CD47: variants seen among roughly 807,000 people sequenced by gnomAD.
CD47 encodes the protein CD47 molecule.
A neutral mutation model predicts 44.6 loss-of-function variants in CD47; 11 were observed. The ratio of observed to expected loss-of-function variants is 0.25; its 90% CI spans 0.16 to 0.41. CD47 has a LOEUF of 0.41. CD47 is among the 10% of genes least tolerant of loss of function. The pLI, the probability that CD47 is intolerant of heterozygous loss-of-function variation, is 1.00. For missense variants in CD47, 306 were observed against 386.7 expected (o/e 0.79, Z 1.75); for synonymous variants, 140 against 136.3 (o/e 1.03, Z -0.19).
At chr3:108,063,406 G>C (rs906176638) in intron 3 of CD47, among the ~76,000 whole-genome samples, 1 of 152,114 alleles carries the variant, frequency 6.6e-6, no homozygotes, top group Non-Finnish European at 1.5e-5. Context: ...AGTTTCTTTT[G>C]GCTCATTTTC....
At chr3:108,066,697 T>C (rs912184691) in intron 3 of CD47, among the ~76,000 whole-genome samples, 4 of 152,138 alleles carry the variant, frequency 2.6e-5, no homozygotes, top group African/African-American at 9.7e-5. Context: ...AAATAAAAAC[T>C]GACAAATGCT....
At chr3:108,052,434 C>A (rs1170657954) in intron 7 of CD47, 1 of 156,900 alleles carries the variant, frequency 6.4e-6, no homozygotes, top group African/African-American at 2.4e-5. Flanking sequence ...CTCCCTGGGT[C>A]TTTCCAGTTT....
At chr3:108,085,327 C>T (rs1420336870) in intron 1 of CD47, among the ~76,000 whole-genome samples, 2 of 152,126 alleles carry the variant, frequency 1.3e-5, no homozygotes, top group Non-Finnish European at 2.9e-5. Flanking sequence ...TCATGTACTT[C>T]TTAGCTGTAT....
In CD47 at chr3:108,080,226, G is replaced by A. The variant is rs776721931; in HGVS notation, c.165C>T (p.Tyr55=). ...NMEAQNTTEV[Y]VKWKFKGRDI... is the part of the protein sequence containing the mutation. ...CTCTTCCTTTAAATTTCCACTTTACGTATACTTCAGTAGTGTTTTGTGCCT... is the reference window on the plus strand; with the variant it reads ...CTCTTCCTTTAAATTTCCACTTTACATATACTTCAGTAGTGTTTTGTGCCT... Residue 55 remains tyrosine (Y), a synonymous_variant, in exon 2 of 11, where the codon TAC becomes TAT. Coordinates refer to ENST00000361309, the MANE Select transcript of CD47 (RefSeq NM_001777.4). 17 of 1,611,070 alleles carry A rather than the reference G, an allele frequency of 1.1e-5. No homozygotes were observed. The highest frequency in any genetic ancestry group is 1.7e-5 in the Admixed American group (1 of 59,894).
intron 8 of CD47, chr3:108,050,913 C>T: frequency 2.7e-6 from 1 of 369,282 alleles, no homozygotes; most frequent in Non-Finnish European, 5.3e-6. Flanking sequence ...GCATAAATAG[C>T]AACAACAGAA....
At position 108,043,830 on chromosome 3, in the gene CD47, G is replaced by C. The variant is rs55770907; in HGVS notation, c.*3458C>G. On this transcript the variant is annotated 3_prime_UTR_variant, in exon 11 of 11. Transcript: ENST00000361309. Reference sequence around the variant, plus strand: ...GCTGGTCTTCAATGATCTTAATTAAGAACTGTCAAAGCTAAAGGCAGAAAA... The same window carrying C: ...GCTGGTCTTCAATGATCTTAATTAACAACTGTCAAAGCTAAAGGCAGAAAA... The C allele has an allele frequency of 6.1e-3, 933 of 152,596 alleles. 5 individuals are homozygous for C. Among genetic ancestry groups the C allele is most frequent in the Non-Finnish European group, 8.3e-3 (564 of 68,004 alleles). The allele number at this position is 152,596 out of a possible 1,614,324, so 9.5% of individuals were successfully genotyped here. A position where few individuals can be genotyped will look rare whatever the true frequency, so the allele number is the denominator to read the frequency against.
intron 1 of CD47, among the ~76,000 whole-genome samples, chr3:108,088,521 T>C (rs1196441030): frequency 1.3e-5 from 2 of 152,100 alleles, no homozygotes; most frequent in African/African-American, 4.8e-5. Flanking sequence ...TAATTAAAAA[T>C]AATATATTCT....
In CD47 at chr3:108,064,105, A is replaced by G. The variant is rs1029710668; in HGVS notation, c.491-3253T>C. On this transcript the variant is annotated intron_variant, in intron 3 of 10. Transcript: ENST00000361309. The stretch of plus-strand genomic sequence containing the variant: ...CTACAATGTACCAGCCCCTTTTGCT[A>G]GTCTAAATCAAGGAACAAGTAGATT... Among the ~76,000 whole-genome samples the G allele has an allele frequency of 7.2e-5, 11 of 152,354 alleles. No homozygotes were observed. The South Asian group carries it at 1.7e-3, about 23-fold the overall frequency.
intron 3 of CD47, among the ~76,000 whole-genome samples, chr3:108,068,900 G>A (rs1344498561): frequency 6.6e-6 from 1 of 152,106 alleles, no homozygotes; most frequent in Non-Finnish European, 1.5e-5. Flanking sequence ...GTTTCAAGAT[G>A]AGCCAAAACA....
intron 2 of CD47, among the ~76,000 whole-genome samples, chr3:108,074,768 A>G (rs1338459752): frequency 2.0e-5 from 3 of 151,516 alleles, no homozygotes; most frequent in Non-Finnish European, 4.4e-5. Flanking sequence ...GTTTGAAATC[A>G]CTGCTGCACA....
intron 1 of CD47, among the ~76,000 whole-genome samples, chr3:108,081,411 A>G (rs1450490618): frequency 6.6e-6 from 1 of 152,028 alleles, no homozygotes; most frequent in East Asian, 1.9e-4. Context: ...ATAAAATATC[A>G]ACTTTGTTAA....
At chr3:108,090,505 C>A (rs1047984518) in intron 1 of CD47, among the ~76,000 whole-genome samples, 12 of 152,204 alleles carry the variant, frequency 7.9e-5, no homozygotes, top group African/African-American at 2.9e-4. Flanking sequence ...GGATCCCTAG[C>A]AGCTGCAGCC....
chr3:108,051,760 G>T (rs763864335), intron 8 of CD47, 179 bp downstream of exon 8: 1 of 688,640 alleles, frequency 1.5e-6, no homozygotes, highest in South Asian at 1.4e-5. Flanking sequence ...ACACTAAAAT[G>T]ACCAAACACA....
chr3:108,088,021 T>A (rs2079554401), intron 1 of CD47, among the ~76,000 whole-genome samples: 1 of 152,200 alleles, frequency 6.6e-6, no homozygotes, highest in African/African-American at 2.4e-5. Context: ...AAAGTGAAAG[T>A]AACTTTATGA....
Position 108,080,236 on chromosome 3 carries a change from G to C in CD47, c.155C>G (p.Thr52Ser), listed in dbSNP as rs1171696992. 1.9e-6 allele frequency: 3 copies of C among 1,611,266 alleles called. No individual in the cohort carries two copies. The highest frequency in any genetic ancestry group is 1.7e-6 in the Non-Finnish European group (2 of 1,177,678). ...AAATTTCCACTTTACGTATACTTCA[G>C]TAGTGTTTTGTGCCTCCATATTAGT... ...FVTNMEAQNT[T>S]EVYVKWKFKG... Residue 52 changes from threonine to serine, a missense_variant, in exon 2 of 11, where the codon ACT becomes AGT. Physicochemically the swap from Thr to Ser is moderately conservative, Grantham distance 58 (BLOSUM62 1). Around this residue, in one of 5 missense-constraint regions of CD47, gnomAD observed 25 missense variants for 52.7 expected, o/e 0.47. Coordinates refer to ENST00000361309, the MANE Select transcript of CD47 (RefSeq NM_001777.4).
At chr3:108,058,954 T>A (rs890465924) in intron 5 of CD47, among the ~76,000 whole-genome samples, 1 of 152,196 alleles carries the variant, frequency 6.6e-6, no homozygotes, top group Non-Finnish European at 1.5e-5. Flanking sequence ...ACTTTCAAAA[T>A]GCAGTGAAAA....
chr3:108,064,718 A>T (rs1269183317), intron 3 of CD47, among the ~76,000 whole-genome samples: 3 of 152,218 alleles, frequency 2.0e-5, no homozygotes, highest in Non-Finnish European at 2.9e-5. Flanking sequence ...GTAAGTAAGC[A>T]GAGAGACAGG....
intron 3 of CD47, among the ~76,000 whole-genome samples, chr3:108,068,292 G>A (rs2108248666): frequency 6.6e-6 from 1 of 152,256 alleles, no homozygotes; most frequent in South Asian, 2.1e-4. Context: ...ATGTGACAAG[G>A]CATGGGATGC....
In CD47 at chr3:108,081,287, T is replaced by C. The variant is rs370186400; in HGVS notation, c.47-943A>G. ...AAAATGTACAAGAATGTGTAGGAATTGTAGTTGTCTTCCATATTCTTCAGC... is the reference window on the plus strand; with the variant it reads ...AAAATGTACAAGAATGTGTAGGAATCGTAGTTGTCTTCCATATTCTTCAGC... On this transcript the variant is annotated intron_variant, in intron 1 of 10. Coordinates refer to ENST00000361309, the MANE Select transcript of CD47 (RefSeq NM_001777.4). 1.6e-4 allele frequency among the ~76,000 whole-genome samples: 25 copies of C among 152,136 alleles called. No homozygotes were observed. In the South Asian group the frequency reaches 5.2e-3, roughly 32 times the overall value.
Sources: allele counts gnomAD v4.1 joint callset (sites outside exome capture counted in the v4.1 genomes callset), GRCh38; gene constraint gnomAD v4.1.1; regional missense constraint gnomAD v4.1.1; transcripts MANE v1.5; gene names NCBI Gene and HGNC (gene_info 2026-07-23, HGNC 2026-07-21).